Variants in TMEM92 observed in about 807,000 individuals in gnomAD.
TMEM92 encodes the protein transmembrane protein 92.
TMEM92 carries 15 observed loss-of-function variants against 14.6 expected under a neutral mutation model. The observed-to-expected ratio is 1.03, with a 90% CI of 0.69 to 1.58. The LOEUF (loss-of-function observed/expected upper bound fraction) is 1.58. Ranked by LOEUF, TMEM92 falls within the 40% of genes most tolerant of loss-of-function variation. The pLI is 0.00. For synonymous variants in TMEM92, 85 were observed against 83.3 expected (o/e 1.02, Z -0.11); for missense variants, 174 against 202.4 (o/e 0.86, Z 0.85).
In TMEM92 at chr17:50,275,920, G is replaced by A. The variant is rs188767704; in HGVS notation, c.69+1350G>A. 6.9e-3 allele frequency among the ~76,000 whole-genome samples: 1,056 copies of A among 152,080 alleles called. 4 individuals carry two copies. The highest frequency in any genetic ancestry group is 0.013 in the Admixed American group (200 of 15,278). On this transcript the variant is annotated intron_variant, in intron 1 of 4. Coordinates refer to ENST00000507382, the MANE Select transcript of TMEM92 (RefSeq NM_153229.3). ...TTTGAGAGGCCGAGGCAGGCAGATCGTGAGGTCAGGAGTTTCAGACCAGCC... is the reference window on the plus strand; with the variant it reads ...TTTGAGAGGCCGAGGCAGGCAGATCATGAGGTCAGGAGTTTCAGACCAGCC...
At position 50,281,196 on chromosome 17, in the gene TMEM92, G is replaced by C. The variant is rs886481928; in HGVS notation, c.*1888G>C. Reference sequence around the variant, plus strand: ...AATGGAAACCTCTGTGGCTCTTCTGGTCATCCTTGGTGGGAGTGGGAATGG... The same window carrying C: ...AATGGAAACCTCTGTGGCTCTTCTGCTCATCCTTGGTGGGAGTGGGAATGG... On this transcript the variant is annotated 3_prime_UTR_variant, in exon 5 of 5. Transcript: ENST00000507382. 1 of 152,232 alleles carries C rather than the reference G, an allele frequency of 6.6e-6. No homozygotes were observed. Among genetic ancestry groups the C allele is most frequent in the Non-Finnish European group, 1.5e-5 (1 of 67,986 alleles). 9.4% of individuals were successfully genotyped at this position (152,232 alleles called of 1,614,324 possible).
rs1910599615 is a variant in TMEM92 at position 50,280,924 on chromosome 17, CAT to C, written c.*1617_*1618del. On this transcript the variant is annotated 3_prime_UTR_variant, in exon 5 of 5. Transcript: ENST00000507382. ...GGGATTGGTCAGGGGTGGCAGAAAA[CAT>C]GTGGGTTCTTTGTGTAGATGTGGCT... is the stretch of plus-strand genomic sequence containing the variant. 1 of 152,332 alleles carries C rather than the reference CAT, an allele frequency of 6.6e-6. No individual in the cohort carries two copies. Among genetic ancestry groups the C allele is most frequent in the Admixed American group, 6.5e-5 (1 of 15,274 alleles). 9.4% of individuals were successfully genotyped at this position (152,332 alleles called of 1,614,324 possible). A position where few individuals can be genotyped will look rare whatever the true frequency, so the allele number is the denominator to read the frequency against.
At chr17:50,277,272 A>C (rs6504641) in intron 1 of TMEM92, among the ~76,000 whole-genome samples, 1 of 151,884 alleles carries the variant, frequency 6.6e-6, no homozygotes, top group South Asian at 2.1e-4. Flanking sequence ...CTCACTCGGG[A>C]GGTCTCTACC....
intron 1 of TMEM92, 58 bp downstream of exon 1, chr17:50,274,628 C>A: frequency 6.7e-7 from 1 of 1,494,706 alleles, no homozygotes; most frequent in Middle Eastern, 1.7e-4. Context: ...AGGTCAGGAG[C>A]CTGCTTCTGG....
chr17:50,271,804 C>T (rs959819480), upstream of TMEM92, among the ~76,000 whole-genome samples: 4 of 152,030 alleles, frequency 2.6e-5, no homozygotes, highest in Non-Finnish European at 5.9e-5. Flanking sequence ...TTTGGGAGGC[C>T]AAGGTGGGCA....
At chr17:50,274,631 G>A (rs373080276) in intron 1 of TMEM92, 61 bp downstream of exon 1, 269 of 1,464,744 alleles carry the variant, frequency 1.8e-4, no homozygotes, top group Middle Eastern at 1.2e-3. Context: ...TCAGGAGCCT[G>A]CTTCTGGAGC....
chr17:50,277,240 G>A (rs1036213113), intron 1 of TMEM92, among the ~76,000 whole-genome samples: 17 of 152,124 alleles, frequency 1.1e-4, no homozygotes, highest in African/African-American at 2.2e-4. Flanking sequence ...TAGGGGAAGC[G>A]AAAGGGGAGG....
At chr17:50,274,391 C>T (rs146113125), upstream of TMEM92, 142 of 1,100,790 alleles carry the variant, frequency 1.3e-4, no homozygotes, top group African/African-American at 1.9e-3. Flanking sequence ...CCGCCTCTCC[C>T]GGTGCAGCTC....
upstream of TMEM92, among the ~76,000 whole-genome samples, chr17:50,273,462 C>A (rs1031968418): frequency 2.0e-5 from 3 of 152,256 alleles, no homozygotes; most frequent in African/African-American, 7.2e-5. Flanking sequence ...TGCTCGCCCG[C>A]GCCCCGGCGG....
chr17:50,272,864 A>G (rs902900410), upstream of TMEM92, among the ~76,000 whole-genome samples: 5 of 151,978 alleles, frequency 3.3e-5, no homozygotes, highest in African/African-American at 1.2e-4. Context: ...GAGAGAGGAG[A>G]AACAGACGGG....
Position 50,279,043 on chromosome 17 carries a change from A to G in TMEM92, c.366+47A>G, listed in dbSNP as rs140752144. 605 of 1,460,758 alleles carry G rather than the reference A, an allele frequency of 4.1e-4. 13 individuals carry two copies. The East Asian group carries it at 9.5e-3, about 23-fold the overall frequency. 90.5% of individuals were successfully genotyped at this position (1,460,758 alleles called of 1,614,324 possible). ...CCACCTTGCCTCTGGCCGGCTGTGC[A>G]GCAGAGACAGTGGAGGGCCCTTCGA... On this transcript the variant is annotated intron_variant, in intron 4 of 4. Transcript: ENST00000507382.
rs1297565860 is a variant in TMEM92, at chr17:50,280,299, C to T, written c.*991C>T. The T allele has an allele frequency of 6.6e-6, 1 of 152,194 alleles. No individual in the cohort carries two copies. The highest frequency in any genetic ancestry group is 1.9e-4 in the East Asian group (1 of 5,202). 9.4% of individuals were successfully genotyped at this position (152,194 alleles called of 1,614,324 possible). ...ATCCGTGGAGTGGGGCTTTAGGAGA[C>T]CTTGAACGGCCCCACCCTGGAATCT... On this transcript the variant is annotated 3_prime_UTR_variant, in exon 5 of 5. Coordinates refer to ENST00000507382, the MANE Select transcript of TMEM92 (RefSeq NM_153229.3).
chr17:50,276,315 G>A (rs1910431142), intron 1 of TMEM92, among the ~76,000 whole-genome samples: 1 of 152,120 alleles, frequency 6.6e-6, no homozygotes, highest in South Asian at 2.1e-4. Context: ...CCTGTGTGCT[G>A]TGTGATTTGG....
intron 1 of TMEM92, 83 bp downstream of exon 1, chr17:50,274,653 C>T: frequency 8.0e-7 from 1 of 1,250,670 alleles, no homozygotes; most frequent in Non-Finnish European, 1.1e-6. Flanking sequence ...TGGTCGCCAC[C>T]TTCCAGAATC....
At chr17:50,272,326 C>G (rs1167233171), upstream of TMEM92, among the ~76,000 whole-genome samples, 2 of 152,148 alleles carry the variant, frequency 1.3e-5, no homozygotes, top group East Asian at 3.9e-4. Flanking sequence ...TCTTCCTCCT[C>G]TAAGCTCAAC....
At chr17:50,271,714 G>GA (rs1395528702), upstream of TMEM92, among the ~76,000 whole-genome samples, 4 of 152,324 alleles carry the variant, frequency 2.6e-5, no homozygotes, top group East Asian at 5.8e-4. Flanking sequence ...ATTTCAGATA[G>GA]AAAAGTAAAT....
At position 50,277,801 on chromosome 17, in the gene TMEM92, C is replaced by T. The variant is rs1297909828; in HGVS notation, c.95+61C>T. 3.7e-6 allele frequency: 6 copies of T among 1,601,636 alleles called. No individual in the cohort carries two copies. The Admixed American group carries it at 5.0e-5, about 13-fold the overall frequency. On this transcript the variant is annotated intron_variant, in intron 2 of 4. Coordinates refer to ENST00000507382, the MANE Select transcript of TMEM92 (RefSeq NM_153229.3). ...CGGGGAGGAGCAACCTAAATCATGCCCTGCATGCCTTGGGGGGTGTGGGAG... is the reference window on the plus strand; with the variant it reads ...CGGGGAGGAGCAACCTAAATCATGCTCTGCATGCCTTGGGGGGTGTGGGAG...
At chr17:50,274,767 C>G (rs1910372458) in intron 1 of TMEM92, 197 bp downstream of exon 1, 2 of 595,416 alleles carry the variant, frequency 3.4e-6, no homozygotes, top group Non-Finnish European at 5.9e-6. Flanking sequence ...GCTGGGTTCT[C>G]CCACCTCTGA....
In TMEM92 at chr17:50,278,883, G is replaced by C; in HGVS notation, c.253G>C (p.Glu85Gln). 6.2e-7 allele frequency: 1 copy of C among 1,613,876 alleles called. No individual in the cohort carries two copies. Among genetic ancestry groups the C allele is most frequent in the South Asian group, 1.1e-5 (1 of 91,076 alleles). ...LAKCFCRNCREPEPDSPVDCR... is the reference protein window; with the variant it reads ...LAKCFCRNCRQPEPDSPVDCR... ...TAAGTGCTTCTGTCGCAACTGCAGAGAGCCGGAGCCAGACAGCCCAGTGGA... is the reference window on the plus strand; with the variant it reads ...TAAGTGCTTCTGTCGCAACTGCAGACAGCCGGAGCCAGACAGCCCAGTGGA... Residue 85 changes from glutamate (E) to glutamine (Q), a missense_variant, in exon 4 of 5, where the codon GAG becomes CAG. Transcript: ENST00000507382.
Sources: allele counts gnomAD v4.1 joint callset (sites outside exome capture counted in the v4.1 genomes callset), GRCh38; gene constraint gnomAD v4.1.1; transcripts MANE v1.5; gene names NCBI Gene and HGNC (gene_info 2026-07-23, HGNC 2026-07-21).